PLEKHA6: variants seen among roughly 807,000 people sequenced by gnomAD.
PLEKHA6 encodes pleckstrin homology domain-containing family A member 6.
Under a neutral mutation model 116.7 loss-of-function variants are expected in PLEKHA6, and 60 were observed. The observed-to-expected ratio is 0.51, with a 90% CI of 0.42 to 0.64. The LOEUF is 0.64. PLEKHA6 is among the 30% of genes least tolerant of loss of function. PLEKHA6 has a pLI of 0.00. For synonymous variants in PLEKHA6, 489 were observed against 556.1 expected, an observed-to-expected ratio of 0.88 and a Z score of 1.70; for missense variants, 1,338 against 1,422.7, an observed-to-expected ratio of 0.94 and a Z score of 0.96.
In PLEKHA6 at chr1:204,238,510, A is replaced by G. The variant is rs971561330; in HGVS notation, c.2409+2865T>C. On this transcript the variant is annotated intron_variant, in intron 17 of 22. Transcript: ENST00000272203. The surrounding 1 kb of genome is among the most constrained non-coding windows in gnomAD (Gnocchi z 4.2). ...CCTATCATGAACAGGGTGCTTTCTG[A>G]CCCATCTAGCCATAAAGTGGGTGGT... Among the ~76,000 whole-genome samples, 1 of 152,106 alleles carries G rather than the reference A, an allele frequency of 6.6e-6. No homozygotes were observed. The highest frequency in any genetic ancestry group is 2.4e-5 in the African/African-American group (1 of 41,402).
At chr1:204,331,639 A>T (rs1043236343) in intron 1 of PLEKHA6, among the ~76,000 whole-genome samples, 3 of 152,194 alleles carry the variant, frequency 2.0e-5, no homozygotes, top group African/African-American at 7.2e-5. Context: ...AGGTGAGAGA[A>T]TCATGCTTGG....
At chr1:204,276,850 G>A (rs1668064472) in intron 1 of PLEKHA6, among the ~76,000 whole-genome samples, 1 of 152,110 alleles carries the variant, frequency 6.6e-6, no homozygotes, top group South Asian at 2.1e-4. Context: ...CTGCAATGCA[G>A]CAACCATTGA....
intron 17 of PLEKHA6, among the ~76,000 whole-genome samples, chr1:204,239,543 C>T (rs1311387756): frequency 1.3e-5 from 2 of 152,208 alleles, no homozygotes; most frequent in African/African-American, 2.4e-5. Flanking sequence ...GCCTTATCCA[C>T]CGTCATGGTA....
At chr1:204,352,188 A>T (rs2103366774) in intron 1 of PLEKHA6, among the ~76,000 whole-genome samples, 1 of 152,250 alleles carries the variant, frequency 6.6e-6, no homozygotes, top group Non-Finnish European at 1.5e-5. Context: ...AGCCTGGCCA[A>T]CATGGTGAAA....
At chr1:204,328,768 A>G (rs571271064) in intron 1 of PLEKHA6, among the ~76,000 whole-genome samples, 13 of 152,360 alleles carry the variant, frequency 8.5e-5, no homozygotes, top group Admixed American at 7.8e-4. Flanking sequence ...CTAGATTGCT[A>G]TGAGTAGATG....
chr1:204,329,888 C>CAAAAAAAAAAAAAAAAAAA (rs35574473), intron 1 of PLEKHA6, among the ~76,000 whole-genome samples: 2 of 118,430 alleles, frequency 1.7e-5, no homozygotes, highest in African/African-American at 6.4e-5. Flanking sequence ...GACCCTGTCT[C>CAAAAAAAAAAAAAAAAAAA]AAAAAAAAAA....
At chr1:204,296,364 C>T (rs1310517089) in intron 1 of PLEKHA6, among the ~76,000 whole-genome samples, 1 of 152,034 alleles carries the variant, frequency 6.6e-6, no homozygotes, top group South Asian at 2.1e-4. Flanking sequence ...GAATTAAAGC[C>T]CCCACATCTT....
intron 17 of PLEKHA6, 135 bp from the exon 18 acceptor site, chr1:204,230,721 T>A (rs1331977378): frequency 5.8e-6 from 4 of 689,840 alleles, no homozygotes; most frequent in Non-Finnish European, 9.6e-6. Flanking sequence ...AAAAGATATG[T>A]CCAAGTCCCA....
chr1:204,278,549 A>G (rs775156934), intron 1 of PLEKHA6, among the ~76,000 whole-genome samples: 4 of 152,266 alleles, frequency 2.6e-5, no homozygotes, highest in Non-Finnish European at 4.4e-5. Context: ...TGATTGGGGA[A>G]TAATGTGATC....
At position 204,259,605 on chromosome 1, in the gene PLEKHA6, C is replaced by G; in HGVS notation, c.660G>C (p.Glu220Asp). 6.2e-7 allele frequency: 1 copy of G among 1,614,154 alleles called. No individual in the cohort carries two copies. Among genetic ancestry groups the G allele is most frequent in the Non-Finnish European group, 8.5e-7 (1 of 1,180,042 alleles). The change falls in exon 8 of 23, where the codon GAG becomes GAC. Residue 220 changes from glutamate (E) to aspartate (D), a missense_variant. Coordinates refer to ENST00000272203, the MANE Select transcript of PLEKHA6 (RefSeq NM_014935.5). This position sits in a 1 kb window ranked among gnomAD's most constrained non-coding sequence, Gnocchi z 4.6. ...TGACTTCTGGCCTCTCAGGCCTTCTCTCTGCCTTCTCACAGCCTCGGCCAT... is the reference window on the plus strand; with the variant it reads ...TGACTTCTGGCCTCTCAGGCCTTCTGTCTGCCTTCTCACAGCCTCGGCCAT... ...EGDGRGCEKA[E>D]RRPERPEVKK... is the part of the protein sequence containing the mutation.
chr1:204,313,902 G>A (rs959251474), intron 1 of PLEKHA6, among the ~76,000 whole-genome samples: 4 of 152,148 alleles, frequency 2.6e-5, no homozygotes, highest in African/African-American at 9.7e-5. Flanking sequence ...TGTTTGCCTA[G>A]AACACAGAAA....
At chr1:204,230,178 A>T (rs1660959911) in intron 18 of PLEKHA6, among the ~76,000 whole-genome samples, 1 of 152,250 alleles carries the variant, frequency 6.6e-6, no homozygotes, top group Non-Finnish European at 1.5e-5. Flanking sequence ...TTCAACAAAC[A>T]TAATTAAGGC....
At chr1:204,320,598 G>C in intron 1 of PLEKHA6, 1 of 515,748 alleles carries the variant, frequency 1.9e-6, no homozygotes, top group Non-Finnish European at 2.5e-6. Flanking sequence ...GGTCAGCCCT[G>C]TTTATGCTGA....
intron 9 of PLEKHA6, chr1:204,255,561 G>C: frequency 4.3e-6 from 3 of 696,042 alleles, no homozygotes; most frequent in Non-Finnish European, 7.9e-6. Flanking sequence ...TGAGGAGGTG[G>C]GGAGGAGTGG....
chr1:204,253,851 CAA>C (rs1664907170), intron 9 of PLEKHA6, among the ~76,000 whole-genome samples: 1 of 136,684 alleles, frequency 7.3e-6, no homozygotes, highest in Admixed American at 7.3e-5. Context: ...AAAAAAAAAA[CAA>C]AAACAAAAAC....
At chr1:204,300,543 G>A (rs1406341550) in intron 1 of PLEKHA6, among the ~76,000 whole-genome samples, 1 of 152,190 alleles carries the variant, frequency 6.6e-6, no homozygotes, top group Non-Finnish European at 1.5e-5. Context: ...AGCCTACTGG[G>A]ATCCCAGAAG....
rs143115743 is a variant in PLEKHA6 at position 204,320,333 on chromosome 1, T to TGGG, written c.-95+39358_-95+39360dup. ...CCAACCCTCGAGGTAGGGGTGAGCA[T>TGGG]GGGGGGTGCTTCTTAGGTGGGGAGC... On this transcript the variant is annotated intron_variant, in intron 1 of 22. Coordinates refer to ENST00000272203, the MANE Select transcript of PLEKHA6 (RefSeq NM_014935.5). 1.3e-3 allele frequency: 236 copies of TGGG among 185,522 alleles called. 5 individuals carry two copies. The East Asian group carries it at 0.038, about 30-fold the overall frequency. The allele number at this position is 185,522 out of a possible 1,614,324, so 11.5% of individuals were successfully genotyped here. A position where few individuals can be genotyped will look rare whatever the true frequency, so the allele number is the denominator to read the frequency against.
At chr1:204,249,073 G>A (rs1370773811) in intron 11 of PLEKHA6, 103 bp from the exon 12 acceptor site, 1 of 1,482,334 alleles carries the variant, frequency 6.7e-7, no homozygotes, top group South Asian at 1.2e-5. Context: ...CAGCTGAGTG[G>A]AAGCTGTCCT....
chr1:204,280,302 T>C, intron 1 of PLEKHA6: 1 of 985,210 alleles, frequency 1.0e-6, no homozygotes, highest in Non-Finnish European at 1.2e-6. Context: ...CTGTCAAGAG[T>C]GGCAAAATTA....
Sources: allele counts gnomAD v4.1 joint callset (sites outside exome capture counted in the v4.1 genomes callset), GRCh38; gene constraint gnomAD v4.1.1; non-coding constraint Gnocchi (gnomAD v3.1); transcripts MANE v1.5; gene names NCBI Gene and HGNC (gene_info 2026-07-23, HGNC 2026-07-21).